FAM167A: variants seen among roughly 807,000 people sequenced by gnomAD.
FAM167A encodes family with sequence similarity 167 member A.
A neutral mutation model predicts 14.9 loss-of-function variants in FAM167A; 23 were observed. That is an observed-to-expected ratio of 1.55 (90% CI 1.11 to 2.19). FAM167A has a LOEUF of 2.19. FAM167A is among the 30% of genes most tolerant of loss of function. FAM167A has a pLI of 0.00. For synonymous variants in FAM167A, 174 were observed against 117.7 expected (o/e 1.48, Z -3.10); for missense variants, 401 against 281.5 (o/e 1.42, Z -3.04).
At position 11,430,057 on chromosome 8, in the gene FAM167A, C is replaced by G. The variant is rs76453480; in HGVS notation, c.382-5421G>C. Among the ~76,000 whole-genome samples the G allele has an allele frequency of 8.5e-3, 1,287 of 152,274 alleles. 12 individuals are homozygous for G. Among genetic ancestry groups the G allele is most frequent in the African/African-American group, 0.029 (1,204 of 41,554 alleles). On this transcript the variant is annotated intron_variant, in intron 2 of 2. Transcript: ENST00000284486. ...CCTCATTAAAAGCCTGAAAAGCTGG[C>G]CAGGGTGACTCAACTCTCAGTGTGG...
chr8:11,424,642 A>C lies in FAM167A; in HGVS notation c.382-6T>G. 1 of 1,612,876 alleles carries C rather than the reference A, an allele frequency of 6.2e-7. No homozygotes were observed. The highest frequency in any genetic ancestry group is 8.5e-7 in the Non-Finnish European group (1 of 1,179,566). The stretch of plus-strand genomic sequence containing the variant: ...TCCTGCAGCCGCATCTCCGTCTGGA[A>C]GGGAGGGGGAGCAGGCAGGGTCAGC... On this transcript the variant is annotated splice_region_variant and splice_polypyrimidine_tract_variant and intron_variant, in intron 2 of 2. Transcript: ENST00000284486.
chr8:11,445,046 C>G, intron 1 of FAM167A: 1 of 870,102 alleles, frequency 1.1e-6, no homozygotes, highest in Non-Finnish European at 1.4e-6. Flanking sequence ...GACTCCGCCT[C>G]TACTATCTTA....
chr8:11,472,485 G>T (rs1807991738), upstream of FAM167A, among the ~76,000 whole-genome samples: 1 of 142,746 alleles, frequency 7.0e-6, no homozygotes, highest in South Asian at 2.3e-4. Context: ...TGTTGCCCAG[G>T]CTGGAGTGCA....
intron 1 of FAM167A, among the ~76,000 whole-genome samples, chr8:11,456,570 G>C (rs1807322127): frequency 6.6e-6 from 1 of 151,474 alleles, no homozygotes; most frequent in African/African-American, 2.4e-5. Context: ...TGGTTGCATT[G>C]CTGGGTGGAT....
chr8:11,429,483 A>G (rs1298355898), intron 2 of FAM167A, among the ~76,000 whole-genome samples: 2 of 152,224 alleles, frequency 1.3e-5, no homozygotes, highest in African/African-American at 4.8e-5. Context: ...GGCGGGGATG[A>G]CAACACAGCC....
In FAM167A at chr8:11,424,319, ACCCCTCCAGCCCAAGCCCTCCGCTCCAG is replaced by A; in HGVS notation, c.*26_*53del. On this transcript the variant is annotated 3_prime_UTR_variant, in exon 3 of 3. Coordinates refer to ENST00000284486, the MANE Select transcript of FAM167A (RefSeq NM_053279.3). ...TAACTTGGCCTCAGCTTCCTCTGAC[ACCCCTCCAGCCCAAGCCCTCCGCTCCAG>A]CCCCTCCGCCCAGTCTGAGGGCTCC... 2 of 1,600,152 alleles carry A rather than the reference ACCCCTCCAGCCCAAGCCCTCCGCTCCAG, an allele frequency of 1.2e-6. No homozygotes were observed. The highest frequency in any genetic ancestry group is 1.7e-6 in the Non-Finnish European group (2 of 1,171,144).
At chr8:11,459,783 C>T (rs767507610) in intron 1 of FAM167A, among the ~76,000 whole-genome samples, 8 of 152,218 alleles carry the variant, frequency 5.3e-5, no homozygotes, top group Non-Finnish European at 1.0e-4. Context: ...GGCACGACCT[C>T]GGCTTACTGC....
At chr8:11,462,990 G>A (rs1585281826) in intron 1 of FAM167A, among the ~76,000 whole-genome samples, 1 of 152,212 alleles carries the variant, frequency 6.6e-6, no homozygotes, top group Non-Finnish European at 1.5e-5. Context: ...ATCCATGAGA[G>A]CTCCAGGGAG....
intron 2 of FAM167A, among the ~76,000 whole-genome samples, chr8:11,437,186 C>T (rs1481138348): frequency 1.3e-5 from 2 of 152,140 alleles, no homozygotes; most frequent in African/African-American, 2.4e-5. Context: ...GCTTTGAGGT[C>T]GGGCAGATCT....
intron 2 of FAM167A, among the ~76,000 whole-genome samples, chr8:11,441,293 C>T (rs1464221093): frequency 1.3e-5 from 2 of 152,224 alleles, no homozygotes; most frequent in Non-Finnish European, 2.9e-5. Flanking sequence ...CTGTTGGTCC[C>T]CTGGCCCTGG....
chr8:11,434,760 T>C (rs941943117), intron 2 of FAM167A: 3 of 287,060 alleles, frequency 1.0e-5, no homozygotes, highest in East Asian at 9.5e-5. Flanking sequence ...GATGACATGA[T>C]GACTCTGGAC....
intron 2 of FAM167A, chr8:11,438,056 C>T (rs1301292392): frequency 2.4e-6 from 1 of 415,198 alleles, no homozygotes; most frequent in South Asian, 1.7e-5. Flanking sequence ...TTCACAAAGA[C>T]AGGAGCCCTG....
At chr8:11,448,610 C>A (rs992029031) in intron 1 of FAM167A, among the ~76,000 whole-genome samples, 1 of 152,204 alleles carries the variant, frequency 6.6e-6, no homozygotes, top group Non-Finnish European at 1.5e-5. Context: ...GTCAGTTGAT[C>A]CCACCTCCCC....
chr8:11,443,922 GAAGA>G, intron 2 of FAM167A, 105 bp downstream of exon 2: 1 of 1,341,152 alleles, frequency 7.5e-7, no homozygotes, highest in Admixed American at 2.2e-5. Flanking sequence ...AGAGAGAGGG[GAAGA>G]AATACATGGT....
chr8:11,425,961 A>G (rs1805112362), intron 2 of FAM167A, among the ~76,000 whole-genome samples: 1 of 152,144 alleles, frequency 6.6e-6, no homozygotes, highest in Non-Finnish European at 1.5e-5. Flanking sequence ...GGCCTTTCCA[A>G]GATCTAGGAG....
intron 1 of FAM167A, among the ~76,000 whole-genome samples, chr8:11,473,903 C>T (rs1023702251): frequency 2.0e-5 from 3 of 151,920 alleles, no homozygotes; most frequent in African/African-American, 7.3e-5. Context: ...GACAGAGTCT[C>T]ACTCTGTCAC....
chr8:11,448,267 T>C (rs938626652), intron 1 of FAM167A, among the ~76,000 whole-genome samples: 1 of 151,772 alleles, frequency 6.6e-6, no homozygotes, highest in Non-Finnish European at 1.5e-5. Context: ...CGAGGGGCCC[T>C]GTGCCACTGC....
chr8:11,458,779 C>G (rs904693649), intron 1 of FAM167A, among the ~76,000 whole-genome samples: 1 of 151,236 alleles, frequency 6.6e-6, no homozygotes, highest in African/African-American at 2.4e-5. Context: ...GTAAGGCGAA[C>G]TAAGGGAAAA....
At chr8:11,475,787 G>C (rs1280077018) in intron 1 of FAM167A, among the ~76,000 whole-genome samples, 1 of 152,024 alleles carries the variant, frequency 6.6e-6, no homozygotes, top group Non-Finnish European at 1.5e-5. Flanking sequence ...CCTGCTCTAT[G>C]TCCCCTCCCC....
Sources: gnomAD v4.1 joint callset for allele counts (sites outside exome capture counted in the v4.1 genomes callset) on GRCh38, gnomAD v4.1.1 for gene constraint, MANE v1.5 for transcripts, NCBI Gene and HGNC (gene_info 2026-07-23, HGNC 2026-07-21) for gene names.